Variants in SNX29 observed in about 807,000 individuals in gnomAD.
The protein encoded by SNX29 is sorting nexin 29.
A neutral mutation model predicts 102.1 loss-of-function variants in SNX29; 78 were observed. The ratio of observed to expected loss-of-function variants is 0.76; its 90% CI spans 0.64 to 0.92. SNX29 has a LOEUF of 0.92. SNX29 is among the 40% of genes least tolerant of loss of function. The pLI is 0.00. For synonymous variants in SNX29, 580 were observed against 414.5 expected, an observed-to-expected ratio of 1.40 and a Z score of -4.85; for missense variants, 1,280 against 1,061.7, an observed-to-expected ratio of 1.21 and a Z score of -2.86.
chr16:12,353,174 C>G (rs1430662550), intron 15 of SNX29, among the ~76,000 whole-genome samples: 2 of 152,180 alleles, frequency 1.3e-5, no homozygotes, highest in Non-Finnish European at 2.9e-5. Flanking sequence ...CCCTAAGATC[C>G]TAGCACTGTG....
rs369015533 is a variant in SNX29, at chr16:12,063,366, C to CTTTT, written c.1243+1743_1243+1746dup. ...CCCACCTCTTCTTTTCCTAGTCCAT[C>CTTTT]TTTTTTTTTTTTTTTTTTTTTTTTT... is the stretch of plus-strand genomic sequence containing the variant. On this transcript the variant is annotated intron_variant, in intron 9 of 20. Coordinates refer to ENST00000566228, the MANE Select transcript of SNX29 (RefSeq NM_032167.5). 2.0e-3 allele frequency among the ~76,000 whole-genome samples: 113 copies of CTTTT among 55,390 alleles called. 17 individuals carry two copies. The highest frequency in any genetic ancestry group is 8.6e-3 in the South Asian group (9 of 1,046). 36.3% of individuals were successfully genotyped at this position (55,390 alleles called of 152,430 possible).
At chr16:12,467,648 A>C (rs1371600881) in intron 18 of SNX29, among the ~76,000 whole-genome samples, 2 of 135,632 alleles carry the variant, frequency 1.5e-5, no homozygotes, top group Non-Finnish European at 3.0e-5. Context: ...TCATTCATTC[A>C]TTCATTCCAT....
At chr16:12,520,302 C>T (rs1005743677) in intron 19 of SNX29, among the ~76,000 whole-genome samples, 1 of 152,222 alleles carries the variant, frequency 6.6e-6, no homozygotes, top group Non-Finnish European at 1.5e-5. Flanking sequence ...GAAGTAGAAT[C>T]TCAAAGAACT....
At chr16:12,442,495 C>T (rs75399107) in intron 18 of SNX29, among the ~76,000 whole-genome samples, 142 of 152,138 alleles carry the variant, frequency 9.3e-4, no homozygotes, top group Middle Eastern at 3.4e-3. Context: ...CTTTGTAGGC[C>T]GTGCAGCCTC....
At position 12,571,177 on chromosome 16, in the gene SNX29, G is replaced by A; in HGVS notation, c.*2548G>A. ...GAAGAATCCCGTCCTGCTCTCTAGT[G>A]TGGTGGGATGAACTTCAGGCAACAA... On this transcript the variant is annotated 3_prime_UTR_variant, in exon 21 of 21. Coordinates refer to ENST00000566228, the MANE Select transcript of SNX29 (RefSeq NM_032167.5). The A allele has an allele frequency of 4.3e-6, 1 of 232,566 alleles. No individual in the cohort carries two copies. The highest frequency in any genetic ancestry group is 8.5e-6 in the Non-Finnish European group (1 of 117,610). The allele number at this position is 232,566 out of a possible 1,614,324, so 14.4% of individuals were successfully genotyped here.
Position 12,564,337 on chromosome 16 carries a change from T to C in SNX29, c.2319-4169T>C, listed in dbSNP as rs376869277. Among the ~76,000 whole-genome samples the C allele has an allele frequency of 4.9e-4, 74 of 152,358 alleles. 4 individuals are homozygous for C. In the South Asian group the frequency reaches 0.015, roughly 32 times the overall value. Reference sequence around the variant, plus strand: ...ACTAGTGTCTCTTACCTTATTTCAGTCATTTCAGGATGTCAAAGGAGCCAA... The same window carrying C: ...ACTAGTGTCTCTTACCTTATTTCAGCCATTTCAGGATGTCAAAGGAGCCAA... On this transcript the variant is annotated intron_variant, in intron 20 of 20. Transcript: ENST00000566228.
chr16:12,407,225 T>A (rs2084201727), intron 18 of SNX29, among the ~76,000 whole-genome samples: 1 of 152,200 alleles, frequency 6.6e-6, no homozygotes, highest in Non-Finnish European at 1.5e-5. Context: ...GAAGTCTCTG[T>A]GTCACTCTCT....
chr16:12,336,063 AAAG>A (rs1165799893), intron 15 of SNX29, among the ~76,000 whole-genome samples: 1 of 152,164 alleles, frequency 6.6e-6, no homozygotes, highest in Admixed American at 6.5e-5. Context: ...TTATTAAATC[AAAG>A]AAGAAGAACC....
intron 4 of SNX29, among the ~76,000 whole-genome samples, chr16:12,032,945 C>A (rs1462811632): frequency 1.3e-5 from 2 of 152,088 alleles, no homozygotes; most frequent in African/African-American, 4.8e-5. Flanking sequence ...GCCTCCACCC[C>A]CCAGGTTCAA....
At chr16:12,165,392 A>G (rs1180077788) in intron 13 of SNX29, among the ~76,000 whole-genome samples, 1 of 152,210 alleles carries the variant, frequency 6.6e-6, no homozygotes, top group Non-Finnish European at 1.5e-5. Context: ...CTGCTTGTCA[A>G]TTTTTGTCTC....
rs192710247 is a variant in SNX29 at position 12,248,014 on chromosome 16, C to T, written c.1679-29919C>T. Among the ~76,000 whole-genome samples, 189 of 152,336 alleles carry T rather than the reference C, an allele frequency of 1.2e-3. 1 individual carries two copies. The highest frequency in any genetic ancestry group is 4.3e-3 in the African/African-American group (180 of 41,582). On this transcript the variant is annotated intron_variant, in intron 14 of 20. Coordinates refer to ENST00000566228, the MANE Select transcript of SNX29 (RefSeq NM_032167.5). ...AGCCCTCCCACCTCCCCAGGCCCAC[C>T]GTAATCAGATGCTGAGATTGTCACA...
chr16:12,254,392 T>C (rs2078507595), intron 14 of SNX29, among the ~76,000 whole-genome samples: 1 of 152,090 alleles, frequency 6.6e-6, no homozygotes, highest in Non-Finnish European at 1.5e-5. Context: ...GGCTCACGCC[T>C]GTAATGCAGC....
Position 12,572,614 on chromosome 16 carries a change from T to A in SNX29, c.*3985T>A. ...CCCAGTGAGCCCCCTCCCCTCCGGC[T>A]ACCCCCAGAATCCATCCTTCATTCC... On this transcript the variant is annotated 3_prime_UTR_variant, in exon 21 of 21. Coordinates refer to ENST00000566228, the MANE Select transcript of SNX29 (RefSeq NM_032167.5). 1 of 1,063,526 alleles carries A rather than the reference T, an allele frequency of 9.4e-7. No homozygotes were observed. The allele number at this position is 1,063,526 out of a possible 1,614,324, so 65.9% of individuals were successfully genotyped here. A position where few individuals can be genotyped will look rare whatever the true frequency, so the allele number is the denominator to read the frequency against.
chr16:12,313,985 T>A (rs967590159), intron 15 of SNX29, among the ~76,000 whole-genome samples: 1 of 152,236 alleles, frequency 6.6e-6, no homozygotes, highest in African/African-American at 2.4e-5. Context: ...TTGCTTATGT[T>A]TATTTTTAAT....
intron 19 of SNX29, among the ~76,000 whole-genome samples, chr16:12,510,980 A>G (rs1467060144): frequency 1.3e-5 from 2 of 151,914 alleles, no homozygotes; most frequent in Non-Finnish European, 2.9e-5. Flanking sequence ...ACTCCCCCAC[A>G]GAGTCTCACT....
intron 18 of SNX29, among the ~76,000 whole-genome samples, chr16:12,474,874 T>C (rs1267455956): frequency 6.6e-6 from 1 of 152,230 alleles, no homozygotes; most frequent in Non-Finnish European, 1.5e-5. Flanking sequence ...TCATGTTTTC[T>C]CTACTTGGTT....
intron 20 of SNX29, chr16:12,546,170 G>A (rs1567166390): frequency 6.6e-6 from 1 of 152,142 alleles, no homozygotes; most frequent in Admixed American, 6.5e-5. Context: ...CATAGGGATG[G>A]GCACTGGTGC....
chr16:12,403,150 C>T (rs2084014984), intron 17 of SNX29, among the ~76,000 whole-genome samples: 1 of 150,906 alleles, frequency 6.6e-6, no homozygotes, highest in South Asian at 2.1e-4. Flanking sequence ...CAGATCACTC[C>T]ATAAGAACTG....
chr16:12,402,956 T>C (rs2084006856), intron 17 of SNX29, among the ~76,000 whole-genome samples: 1 of 152,200 alleles, frequency 6.6e-6, no homozygotes, highest in African/African-American at 2.4e-5. Flanking sequence ...TTGTGGAGTC[T>C]GATCTTAAAA....
Sources: allele counts gnomAD v4.1 joint callset (sites outside exome capture counted in the v4.1 genomes callset), GRCh38; gene constraint gnomAD v4.1.1; transcripts MANE v1.5; gene names NCBI Gene and HGNC (gene_info 2026-07-23, HGNC 2026-07-21).